The following SPAG6 variants were observed in gnomAD, a reference collection of about 807,000 sequenced individuals.
The protein encoded by SPAG6 is sperm-associated antigen 6.
SPAG6 carries 49 observed loss-of-function variants against 58.5 expected under a neutral mutation model. That is an observed-to-expected ratio of 0.84 (90% CI 0.67 to 1.06). The LOEUF is 1.06. SPAG6 is among the 50% of genes least tolerant of loss of function. The pLI, the probability that SPAG6 is intolerant of heterozygous loss-of-function variation, is 0.00. For missense variants in SPAG6, 560 were observed against 611.3 expected (o/e 0.92, Z 0.89); for synonymous variants, 233 against 225.6 (o/e 1.03, Z -0.29).
At chr10:22,346,478 CTTCTTCTTCTTCTTCTTCT>C (rs1483869276) in intron 2 of SPAG6, among the ~76,000 whole-genome samples, 95 of 141,582 alleles carry the variant, frequency 6.7e-4, no homozygotes, top group African/African-American at 2.8e-3. Flanking sequence ...TCTTCTTCTT[CTTCTTCTTCTTCTTCTTCT>C]TTCTTCTTCT....
At position 22,389,327 on chromosome 10, in the gene SPAG6, C is replaced by T. The variant is rs773569832; in HGVS notation, c.1005+15C>T. ...TCATTTCTAAGGTTTGTTCTTGCTT[C>T]GTTTTCTTCCAGTTGCAGTAAGAAA... is the stretch of plus-strand genomic sequence containing the variant. On this transcript the variant is annotated intron_variant, in intron 7 of 10. Transcript: ENST00000376624. The T allele has an allele frequency of 1.5e-5, 24 of 1,605,680 alleles. No homozygotes were observed. Among genetic ancestry groups the T allele is most frequent in the Admixed American group, 3.3e-5 (2 of 59,800 alleles).
At chr10:22,363,118 TAACTC>T (rs767646733) in intron 2 of SPAG6, among the ~76,000 whole-genome samples, 28 of 152,322 alleles carry the variant, frequency 1.8e-4, no homozygotes, top group Non-Finnish European at 2.4e-4. Context: ...TGGATGTACT[TAACTC>T]AACTGAACTG....
At chr10:22,354,721 G>C (rs1407604325) in intron 2 of SPAG6, among the ~76,000 whole-genome samples, 1 of 152,106 alleles carries the variant, frequency 6.6e-6, no homozygotes, top group Non-Finnish European at 1.5e-5. Context: ...CCTAATCAAG[G>C]GACAGCTGGC....
chr10:22,409,476 G>A (rs2130640814), intron 9 of SPAG6, among the ~76,000 whole-genome samples: 1 of 152,294 alleles, frequency 6.6e-6, no homozygotes, highest in East Asian at 1.9e-4. Context: ...AAAAGATTAA[G>A]TTGTTCTTCA....
intron 4 of SPAG6, among the ~76,000 whole-genome samples, chr10:22,374,504 G>A (rs751849753): frequency 4.6e-5 from 7 of 151,242 alleles, no homozygotes; most frequent in Admixed American, 1.3e-4. Flanking sequence ...AGAGTGGCAC[G>A]TGCCTGTAAT....
At chr10:22,395,226 G>C (rs959292628) in intron 8 of SPAG6, among the ~76,000 whole-genome samples, 2 of 152,014 alleles carry the variant, frequency 1.3e-5, no homozygotes, top group African/African-American at 4.8e-5. Flanking sequence ...ACAAGTTTTC[G>C]TGTGGATGTA....
intron 9 of SPAG6, among the ~76,000 whole-genome samples, chr10:22,407,361 T>G (rs897489587): frequency 5.9e-5 from 9 of 151,626 alleles, no homozygotes; most frequent in Non-Finnish European, 4.4e-5. Flanking sequence ...AGCATTTGCT[T>G]GTCTGTAAAG....
At chr10:22,364,749 C>A (rs1230706776) in intron 2 of SPAG6, 104 bp from the exon 3 acceptor site, 2 of 752,336 alleles carry the variant, frequency 2.7e-6, no homozygotes, top group African/African-American at 3.5e-5. Context: ...TTTATTTTTA[C>A]TGATTTTTTC....
Position 22,386,848 on chromosome 10 carries a change from G to A in SPAG6, c.567G>A (p.Ser189=), listed in dbSNP as rs371765813. 177 of 1,613,554 alleles carry A rather than the reference G, an allele frequency of 1.1e-4. No homozygotes were observed. In the East Asian group the frequency reaches 1.3e-3, roughly 12 times the overall value. Residue 189 remains serine (S), a synonymous_variant, in exon 5 of 11, where the codon TCG becomes TCA. Transcript: ENST00000376624. ...TTGCTTTGAAAAGGATTGCTGCTTC[G>A]GCCCTCAGTGATATTGCAAAGCATT... The part of the protein sequence containing the change: ...PEIALKRIAA[S]ALSDIAKHSP...
intron 4 of SPAG6, among the ~76,000 whole-genome samples, chr10:22,374,965 C>T (rs1833783570): frequency 6.6e-6 from 1 of 152,208 alleles, no homozygotes; most frequent in South Asian, 2.1e-4. Flanking sequence ...AATACCTGCT[C>T]TACTTGATAA....
At chr10:22,412,371 G>A in intron 10 of SPAG6, 3 of 770,452 alleles carry the variant, frequency 3.9e-6, no homozygotes, top group South Asian at 1.6e-5. Context: ...AATACGTATG[G>A]TAACATTAAT....
At chr10:22,384,467 A>C (rs1010951461) in intron 4 of SPAG6, among the ~76,000 whole-genome samples, 3 of 152,212 alleles carry the variant, frequency 2.0e-5, no homozygotes, top group African/African-American at 7.2e-5. Context: ...TAATATGTAG[A>C]GTCTACATTA....
intron 4 of SPAG6, among the ~76,000 whole-genome samples, chr10:22,374,585 T>C (rs1245014194): frequency 7.7e-6 from 1 of 129,322 alleles, no homozygotes; most frequent in Non-Finnish European, 1.6e-5. Flanking sequence ...CTGTGAAACA[T>C]AGTGAAACCC....
chr10:22,408,662 A>C (rs943148815), intron 9 of SPAG6, among the ~76,000 whole-genome samples: 87 of 152,268 alleles, frequency 5.7e-4, no homozygotes, highest in African/African-American at 2.1e-3. Context: ...GGTGGGCTGC[A>C]CCCAGTTGGA....
chr10:22,387,806 T>G lies in SPAG6; in HGVS notation c.679-17T>G, dbSNP rs59337760. ...TATATAGTGTTTTGTTGTTGTTGTT[T>G]TTTTTTTGCTTCACAGCATCAGATC... On this transcript the variant is annotated splice_polypyrimidine_tract_variant and intron_variant, in intron 5 of 10. Transcript: ENST00000376624. 10,474 of 1,591,864 alleles carry G rather than the reference T, an allele frequency of 6.6e-3. 81 individuals are homozygous for G. The highest frequency in any genetic ancestry group is 6.5e-3 in the Non-Finnish European group (7,675 of 1,173,512).
intron 4 of SPAG6, among the ~76,000 whole-genome samples, chr10:22,383,369 G>A (rs1683962531): frequency 6.6e-6 from 1 of 152,198 alleles, no homozygotes. Flanking sequence ...CCTGGGCGCA[G>A]TGGCTCACAC....
At chr10:22,389,689 C>CTA (rs1834142671) in intron 7 of SPAG6, among the ~76,000 whole-genome samples, 1 of 152,208 alleles carries the variant, frequency 6.6e-6, no homozygotes, top group Admixed American at 6.5e-5. Context: ...TCTGGGAGGT[C>CTA]TATATACCCC....
chr10:22,412,389 G>T (rs768853944), intron 10 of SPAG6: 2 of 925,676 alleles, frequency 2.2e-6, no homozygotes, highest in Non-Finnish European at 3.3e-6. Flanking sequence ...AATTTTAAAA[G>T]CACAAAAGCA....
At chr10:22,362,313 G>C (rs982530534) in intron 2 of SPAG6, among the ~76,000 whole-genome samples, 2 of 150,706 alleles carry the variant, frequency 1.3e-5, no homozygotes, top group Admixed American at 1.3e-4. Context: ...ATTCTTTAAA[G>C]CTATTCTAAG....
Sources: gnomAD v4.1 joint callset for allele counts (sites outside exome capture counted in the v4.1 genomes callset) on GRCh38, gnomAD v4.1.1 for gene constraint, MANE v1.5 for transcripts, NCBI Gene and HGNC (gene_info 2026-07-23, HGNC 2026-07-21) for gene names.